ICE2: variants seen among roughly 807,000 people sequenced by gnomAD.
ICE2 encodes the protein little elongation complex subunit 2.
A neutral mutation model predicts 105.4 loss-of-function variants in ICE2; 87 were observed. The ratio of observed to expected loss-of-function variants is 0.83; its 90% CI spans 0.69 to 0.99. The LOEUF is 0.99. Ranked by LOEUF, ICE2 falls within the 50% of genes least tolerant of loss-of-function variation. The pLI is 0.00. For synonymous variants in ICE2, 399 were observed against 392.0 expected, an observed-to-expected ratio of 1.02 and a Z score of -0.21; for missense variants, 1,323 against 1,146.7, an observed-to-expected ratio of 1.15 and a Z score of -2.22.
At position 60,449,846 on chromosome 15, in the gene ICE2, T is replaced by C. The variant is rs761339672; in HGVS notation, c.1126-5A>G. The stretch of plus-strand genomic sequence containing the variant: ...CTCGTTGACTTCACAGGACATCTTA[T>C]GTAAATAAATTGGTAAAGTATTAGT... On this transcript the variant is annotated splice_polypyrimidine_tract_variant and splice_region_variant and intron_variant, in intron 9 of 15. Transcript: ENST00000261520. 13 of 1,599,116 alleles carry C rather than the reference T, an allele frequency of 8.1e-6. No individual in the cohort carries two copies. The East Asian group carries it at 2.5e-4, about 30-fold the overall frequency.
intron 12 of ICE2, chr15:60,437,992 T>A (rs2063634192): frequency 6.6e-6 from 1 of 152,132 alleles, no homozygotes; most frequent in South Asian, 2.1e-4. Context: ...AAACACAATA[T>A]GAATCTAGAA....
chr15:60,448,904 TC>T lies in ICE2; in HGVS notation c.2062del (p.Asp688ThrfsTer36). On this transcript the variant is annotated frameshift_variant, in exon 10 of 16. Transcript: ENST00000261520. LOFTEE classifies it high-confidence loss of function. ...TCCAGATTTCGGCCAACTAGAGGAG[TC>T]TGAAGGACCAGACAATTGCTCAGAA... Reference protein sequence around the residue: ...SVSEQLSGPSDSSSWPKSGWP... With the variant: ...SVSEQLSGPSXSSSWPKSGWP... 1 of 1,612,732 alleles carries T rather than the reference TC, an allele frequency of 6.2e-7. No homozygotes were observed. Among genetic ancestry groups the T allele is most frequent in the Non-Finnish European group, 8.5e-7 (1 of 1,179,642 alleles).
At chr15:60,468,418 G>A (rs977337504) in intron 3 of ICE2, 96 bp from the exon 4 acceptor site, 12 of 931,238 alleles carry the variant, frequency 1.3e-5, no homozygotes, top group East Asian at 2.4e-5. Context: ...AGAATATAGC[G>A]TGATTAACAG....
At chr15:60,466,962 TA>T in intron 4 of ICE2, among the ~76,000 whole-genome samples, 1 of 152,196 alleles carries the variant, frequency 6.6e-6, no homozygotes, top group East Asian at 1.9e-4. Context: ...GTTGATTTTA[TA>T]AAATGCTGTC....
chr15:60,451,258 A>G, intron 9 of ICE2: 1 of 624,668 alleles, frequency 1.6e-6, no homozygotes, highest in Middle Eastern at 8.4e-4. Flanking sequence ...GAAAGATTGA[A>G]AATACATATA....
At chr15:60,469,168 G>A (rs1352633109) in intron 3 of ICE2, among the ~76,000 whole-genome samples, 1 of 152,172 alleles carries the variant, frequency 6.6e-6, no homozygotes, top group Non-Finnish European at 1.5e-5. Flanking sequence ...GGAGCTGGAG[G>A]CCATTATCCT....
chr15:60,465,573 T>A (rs559379160), intron 5 of ICE2, among the ~76,000 whole-genome samples: 1 of 152,134 alleles, frequency 6.6e-6, no homozygotes, highest in East Asian at 1.9e-4. Flanking sequence ...ACGGTAAAAT[T>A]TACCACCTTA....
intron 3 of ICE2, 152 bp from the exon 4 acceptor site, chr15:60,468,474 G>A: frequency 1.6e-6 from 1 of 623,114 alleles, no homozygotes. Flanking sequence ...GCATTTTGAT[G>A]TTTAGCCATT....
chr15:60,440,885 A>C (rs1172534951), intron 12 of ICE2: 1 of 152,232 alleles, frequency 6.6e-6, no homozygotes, highest in Non-Finnish European at 1.5e-5. Context: ...CAGTACAATG[A>C]AATGAAAGGC....
Position 60,477,918 on chromosome 15 carries a change from C to T in ICE2, c.41+19G>A, listed in dbSNP as rs926014715. The T allele has an allele frequency of 1.2e-6, 2 of 1,609,796 alleles. No homozygotes were observed. The highest frequency in any genetic ancestry group is 2.7e-5 in the African/African-American group (2 of 74,850). On this transcript the variant is annotated intron_variant, in intron 2 of 15. Transcript: ENST00000261520. The stretch of plus-strand genomic sequence containing the variant: ...CACTACACTCCTCTTCAGTGGATTA[C>T]AAAGTGGCTACAACTCACCAATTCA...
chr15:60,475,272 G>A (rs1400759050), intron 3 of ICE2, among the ~76,000 whole-genome samples: 1 of 152,096 alleles, frequency 6.6e-6, no homozygotes, highest in African/African-American at 2.4e-5. Flanking sequence ...CAGGCAAGTT[G>A]GCAGTAAGAA....
At chr15:60,431,415 A>G (rs1479617834) in intron 14 of ICE2, among the ~76,000 whole-genome samples, 2 of 152,192 alleles carry the variant, frequency 1.3e-5, no homozygotes, top group Non-Finnish European at 2.9e-5. Context: ...AGAGGAAGAT[A>G]TTACCACAAA....
chr15:60,451,628 TC>T, intron 9 of ICE2: 1 of 984,850 alleles, frequency 1.0e-6, no homozygotes, highest in Non-Finnish European at 1.2e-6. Context: ...ACCTGCACAA[TC>T]CAGAAAAAGC....
At chr15:60,454,486 CT>C (rs1322903965) in intron 8 of ICE2, among the ~76,000 whole-genome samples, 10 of 152,070 alleles carry the variant, frequency 6.6e-5, no homozygotes, top group African/African-American at 2.4e-4. Flanking sequence ...CATTTTGTCT[CT>C]AACTCTCACC....
chr15:60,443,281 T>G (rs2063758083), intron 11 of ICE2, among the ~76,000 whole-genome samples: 1 of 152,236 alleles, frequency 6.6e-6, no homozygotes, highest in Non-Finnish European at 1.5e-5. Context: ...AACAGGAGTC[T>G]ATTTCCAGTT....
chr15:60,462,105 A>G (rs1270330778), intron 5 of ICE2, among the ~76,000 whole-genome samples: 1 of 152,256 alleles, frequency 6.6e-6, no homozygotes, highest in Non-Finnish European at 1.5e-5. Flanking sequence ...GAAAGAATCT[A>G]GTATTTATTC....
At chr15:60,472,633 G>A (rs1032067559) in intron 3 of ICE2, among the ~76,000 whole-genome samples, 1 of 152,072 alleles carries the variant, frequency 6.6e-6, no homozygotes, top group African/African-American at 2.4e-5. Flanking sequence ...CTTTTTCCTT[G>A]TACAAAGCCA....
chr15:60,424,785 C>A (rs543948846), intron 15 of ICE2, among the ~76,000 whole-genome samples: 3 of 152,238 alleles, frequency 2.0e-5, no homozygotes, highest in Admixed American at 1.3e-4. Flanking sequence ...GGATTATGGG[C>A]ATGAGCCACC....
chr15:60,431,950 G>C lies in ICE2; in HGVS notation c.2545C>G (p.Leu849Val), dbSNP rs762788042. ...AATACTTACCTACTTAGTTTCTTTA[G>C]AATGTGTTGGAGGATGTTAAATAAA... ...SNLFNILQHI[L>V]KKLSSLQEGS... The change falls in exon 14 of 16, where the codon CTA becomes GTA. Residue 849 changes from leucine to valine, a missense_variant. Transcript: ENST00000261520. The C allele has an allele frequency of 8.0e-6, 11 of 1,383,600 alleles. No homozygotes were observed. Among genetic ancestry groups the C allele is most frequent in the East Asian group, 2.4e-5 (1 of 41,434 alleles). The allele number at this position is 1,383,600 out of a possible 1,614,324, so 85.7% of individuals were successfully genotyped here. A position where few individuals can be genotyped will look rare whatever the true frequency, so the allele number is the denominator to read the frequency against.
Sources: gnomAD v4.1 joint callset for allele counts (sites outside exome capture counted in the v4.1 genomes callset) on GRCh38, gnomAD v4.1.1 for gene constraint, MANE v1.5 for transcripts, NCBI Gene and HGNC (gene_info 2026-07-23, HGNC 2026-07-21) for gene names.